VOPP1: variants seen among roughly 807,000 people sequenced by gnomAD.
The protein encoded by VOPP1 is WW domain binding protein VOPP1.
A neutral mutation model predicts 23.5 loss-of-function variants in VOPP1; 8 were observed. The ratio of observed to expected loss-of-function variants is 0.34; its 90% CI spans 0.20 to 0.61. The LOEUF is 0.61. VOPP1 is among the 20% of genes least tolerant of loss of function. VOPP1 has a pLI of 0.78. For synonymous variants in VOPP1, 83 were observed against 97.3 expected, an observed-to-expected ratio of 0.85 and a Z score of 0.86; for missense variants, 174 against 238.1, an observed-to-expected ratio of 0.73 and a Z score of 1.77.
At chr7:55,517,105 A>AAT (rs200812599) in intron 2 of VOPP1, among the ~76,000 whole-genome samples, 1,616 of 149,892 alleles carry the variant, frequency 0.011, 10 homozygotes, top group Middle Eastern at 0.021. Context: ...ATGTCCAGCT[A>AAT]ATATATATAT....
intron 4 of VOPP1, among the ~76,000 whole-genome samples, chr7:55,459,476 G>C (rs1370171190): frequency 6.6e-6 from 1 of 152,080 alleles, no homozygotes; most frequent in African/African-American, 2.4e-5. Context: ...AGGTTTGGTA[G>C]GGTTCAGCAA....
chr7:55,554,889 A>C (rs1017968727), intron 1 of VOPP1, among the ~76,000 whole-genome samples: 10 of 152,166 alleles, frequency 6.6e-5, no homozygotes, highest in African/African-American at 2.4e-4. Context: ...GAATGAGGAG[A>C]GGAGGAAGAC....
At chr7:55,521,692 C>T in intron 1 of VOPP1, 1 of 987,218 alleles carries the variant, frequency 1.0e-6, no homozygotes, top group Non-Finnish European at 1.2e-6. Flanking sequence ...CCAGGTAAGT[C>T]CAGCTCCTAA....
rs548313488 is a variant in VOPP1, at chr7:55,502,796, C to T, written c.114-5106G>A. ...TAAGCCTCAGAATGGCAATGCTGCT[C>T]CCAAGGACGTCGCAAGACTACACCT... On this transcript the variant is annotated intron_variant, in intron 2 of 4. Coordinates refer to ENST00000285279, the MANE Select transcript of VOPP1 (RefSeq NM_030796.5). Among the ~76,000 whole-genome samples the T allele has an allele frequency of 5.9e-5, 9 of 152,302 alleles. No individual in the cohort carries two copies. The South Asian group carries it at 1.7e-3, about 28-fold the overall frequency.
chr7:55,448,680 T>C (rs1791163251), intron 4 of VOPP1, among the ~76,000 whole-genome samples: 2 of 152,302 alleles, frequency 1.3e-5, no homozygotes, highest in South Asian at 4.1e-4. Context: ...CCTTGGGGCC[T>C]GGCAGCGCTG....
At chr7:55,445,025 T>C (rs967312620) in intron 4 of VOPP1, among the ~76,000 whole-genome samples, 5 of 152,190 alleles carry the variant, frequency 3.3e-5, no homozygotes, top group African/African-American at 7.2e-5. Context: ...CCAGACAACA[T>C]CTTTGACCTT....
intron 1 of VOPP1, among the ~76,000 whole-genome samples, chr7:55,535,098 G>C (rs1040848128): frequency 6.6e-6 from 1 of 152,172 alleles, no homozygotes; most frequent in Non-Finnish European, 1.5e-5. Flanking sequence ...CTGGCTGGGG[G>C]ACTCCTGACA....
Position 55,473,036 on chromosome 7 carries a change from T to C in VOPP1, c.338A>G (p.Gln113Arg). Residue 113 changes from glutamine to arginine, a missense_variant, in exon 5 of 5, where the codon CAG becomes CGG. Physicochemically the swap from Gln to Arg is conservative, Grantham distance 43 (BLOSUM62 1). Transcript: ENST00000285279. ...GTCGGTGTAATAGGGCGGCCCCGGC[T>C]GCTGGGCTCCTGAAAGACAGACAAA... Reference protein sequence around the residue: ...QPPNPGPGAQQPGPPYYTDPG... With the variant: ...QPPNPGPGAQRPGPPYYTDPG... 1 of 1,598,212 alleles carries C rather than the reference T, an allele frequency of 6.3e-7. No individual in the cohort carries two copies. The highest frequency in any genetic ancestry group is 8.5e-7 in the Non-Finnish European group (1 of 1,173,722).
chr7:55,483,330 A>C (rs531050776), intron 4 of VOPP1, among the ~76,000 whole-genome samples: 1 of 152,202 alleles, frequency 6.6e-6, no homozygotes, highest in South Asian at 2.1e-4. Context: ...CTGTAATTTG[A>C]CCAGCAGGTG....
chr7:55,467,368 G>T (rs781227985), downstream of VOPP1, among the ~76,000 whole-genome samples: 1 of 152,182 alleles, frequency 6.6e-6, no homozygotes. Flanking sequence ...AGCTATTCTC[G>T]CAACAGCCAT....
intron 4 of VOPP1, among the ~76,000 whole-genome samples, chr7:55,437,354 T>C (rs1174777788): frequency 6.6e-6 from 1 of 152,252 alleles, no homozygotes; most frequent in African/African-American, 2.4e-5. Flanking sequence ...GCCAGAAAGA[T>C]GTCTTTCATC....
chr7:55,502,673 C>T (rs191954667), intron 2 of VOPP1, among the ~76,000 whole-genome samples: 2 of 152,328 alleles, frequency 1.3e-5, no homozygotes, highest in Non-Finnish European at 1.5e-5. Context: ...ATATTCACTG[C>T]AACACTGAGC....
At chr7:55,497,749 A>G (rs1021537971) in intron 2 of VOPP1, 59 bp from the exon 3 acceptor site, 1 of 1,490,658 alleles carries the variant, frequency 6.7e-7, no homozygotes, top group African/African-American at 1.4e-5. Flanking sequence ...CGGACCAGCC[A>G]TGCGGCCCAG....
chr7:55,506,028 C>G (rs977606942), intron 2 of VOPP1, among the ~76,000 whole-genome samples: 2 of 152,182 alleles, frequency 1.3e-5, no homozygotes, highest in African/African-American at 4.8e-5. Flanking sequence ...TAATTTCAAT[C>G]GAGCACAAAA....
chr7:55,488,864 C>T (rs1485055963), intron 4 of VOPP1, among the ~76,000 whole-genome samples: 1 of 152,240 alleles, frequency 6.6e-6, no homozygotes, highest in Non-Finnish European at 1.5e-5. Flanking sequence ...TTGGCACTGC[C>T]CGGACAGCCT....
chr7:55,487,858 T>TGCCAGCCA (rs1307163547), intron 4 of VOPP1, among the ~76,000 whole-genome samples: 1 of 152,178 alleles, frequency 6.6e-6, no homozygotes, highest in Non-Finnish European at 1.5e-5. Flanking sequence ...GGCCACCTCC[T>TGCCAGCCA]GCCAGCCAGC....
intron 1 of VOPP1, among the ~76,000 whole-genome samples, chr7:55,551,883 T>C (rs1797621380): frequency 2.0e-5 from 3 of 151,886 alleles, no homozygotes; most frequent in East Asian, 3.9e-4. Context: ...CTACTAAAAA[T>C]ACAAAAATTA....
intron 1 of VOPP1, among the ~76,000 whole-genome samples, chr7:55,526,431 C>T (rs781514285): frequency 2.0e-5 from 3 of 152,198 alleles, no homozygotes; most frequent in Non-Finnish European, 2.9e-5. Flanking sequence ...AATTACTCCT[C>T]CATGTGCGCT....
intron 2 of VOPP1, among the ~76,000 whole-genome samples, chr7:55,516,829 A>T (rs1795441246): frequency 6.8e-6 from 1 of 146,342 alleles, no homozygotes; most frequent in South Asian, 2.2e-4. Context: ...TCTGTTTTGG[A>T]GAATCTTAGC....
Sources: allele counts gnomAD v4.1 joint callset (sites outside exome capture counted in the v4.1 genomes callset), GRCh38; gene constraint gnomAD v4.1.1; transcripts MANE v1.5; gene names NCBI Gene and HGNC (gene_info 2026-07-23, HGNC 2026-07-21).